Variants in ZNF107 observed in about 807,000 individuals in gnomAD.
ZNF107 encodes the protein C2H2 type zinc-finger protein.
Under a neutral mutation model 12.3 loss-of-function variants are expected in ZNF107, and 19 were observed. That is an observed-to-expected ratio of 1.55 (90% CI 1.08 to 2.27). The LOEUF is 2.27. Ranked by LOEUF, ZNF107 falls within the 30% of genes most tolerant of loss-of-function variation. The pLI is 0.00. For synonymous variants in ZNF107, 317 were observed against 330.5 expected (o/e 0.96, Z 0.44); for missense variants, 958 against 979.9 (o/e 0.98, Z 0.30).
In ZNF107 at chr7:64,666,162, C is replaced by T. The variant is rs866231673; in HGVS notation, c.-121C>T. On this transcript the variant is annotated 5_prime_UTR_variant, in exon 1 of 4. Coordinates refer to ENST00000620827, the MANE Select transcript of ZNF107 (RefSeq NM_001282359.2). ...TTGTCTCTGGCTGCAGCCGGAGCTC[C>T]TGCTCTCCTCCTCACTGCTCAGTGT... 2.1e-5 allele frequency: 29 copies of T among 1,390,312 alleles called. No individual in the cohort carries two copies. The Middle Eastern group carries it at 2.2e-3, about 105-fold the overall frequency. The allele number at this position is 1,390,312 out of a possible 1,614,324, so 86.1% of individuals were successfully genotyped here.
intron 1 of ZNF107, chr7:64,684,786 C>T: frequency 2.1e-6 from 2 of 935,608 alleles, no homozygotes; most frequent in Non-Finnish European, 2.5e-6. Flanking sequence ...CTCTGTTTAC[C>T]TTCCTACTCA....
intron 1 of ZNF107, among the ~76,000 whole-genome samples, chr7:64,680,422 C>T (rs141820472): frequency 1.6e-3 from 239 of 152,280 alleles, no homozygotes; most frequent in Admixed American, 3.7e-3. Context: ...ATGCAGGTGA[C>T]CACTGGCGCC....
intron 1 of ZNF107, among the ~76,000 whole-genome samples, chr7:64,671,343 A>T (rs1225508585): frequency 1.3e-5 from 2 of 152,196 alleles, no homozygotes; most frequent in Non-Finnish European, 2.9e-5. Flanking sequence ...TCCCAGGACT[A>T]GGCACCGCCC....
chr7:64,707,835 C>T lies in ZNF107; in HGVS notation c.1738C>T (p.Leu580Phe). ...CGKAFNQSYQ[L>F]TRHKIVHTKE... ...AAAAGCCTTTAATCAATCCTATCAACTTACTAGACATAAGATAGTTCATAC... is the reference window on the plus strand; with the variant it reads ...AAAAGCCTTTAATCAATCCTATCAATTTACTAGACATAAGATAGTTCATAC... The change falls in exon 4 of 4, where the codon CTT becomes TTT. Residue 580 changes from leucine (L) to phenylalanine (F), a missense_variant. Coordinates refer to ENST00000620827, the MANE Select transcript of ZNF107 (RefSeq NM_001282359.2). 1 of 1,612,574 alleles carries T rather than the reference C, an allele frequency of 6.2e-7. No individual in the cohort carries two copies. The highest frequency in any genetic ancestry group is 8.5e-7 in the Non-Finnish European group (1 of 1,179,478).
intron 1 of ZNF107, among the ~76,000 whole-genome samples, chr7:64,679,786 C>T (rs1370384835): frequency 6.6e-6 from 1 of 152,174 alleles, no homozygotes; most frequent in East Asian, 1.9e-4. Flanking sequence ...ATGGCACTTT[C>T]AATTTCTCTA....
In ZNF107 at chr7:64,691,959, A is replaced by G; in HGVS notation, c.225A>G (p.Pro75=). ...IKRHEMVAKP[P]VMSFHFAQDL... is the part of the protein sequence containing the mutation. ...GACATGAGATGGTAGCCAAACCCCC[A>G]GGTAGGTGAGAGTGAAAGTGAATAC... Residue 75 remains proline, a splice_region_variant and synonymous_variant, in exon 3 of 4, where the codon CCA becomes CCG. Transcript: ENST00000620827. 1 of 1,511,382 alleles carries G rather than the reference A, an allele frequency of 6.6e-7. No individual in the cohort carries two copies. Among genetic ancestry groups the G allele is most frequent in the Non-Finnish European group, 8.8e-7 (1 of 1,130,582 alleles). 93.6% of individuals were successfully genotyped at this position (1,511,382 alleles called of 1,614,324 possible).
chr7:64,667,564 C>G (rs187454265), intron 1 of ZNF107, among the ~76,000 whole-genome samples: 79 of 152,258 alleles, frequency 5.2e-4, no homozygotes, highest in Middle Eastern at 6.8e-3. Flanking sequence ...TCTCCTGGTC[C>G]TGGGTTTCAG....
chr7:64,691,189 A>T (rs563103977), intron 1 of ZNF107, 59 bp from the exon 2 acceptor site: 3 of 1,331,880 alleles, frequency 2.3e-6, no homozygotes, highest in East Asian at 3.2e-5. Context: ...ACATTTTTTT[A>T]AAAATTCAAT....
chr7:64,681,317 G>A (rs1021277642), intron 1 of ZNF107, among the ~76,000 whole-genome samples: 1 of 151,918 alleles, frequency 6.6e-6, no homozygotes, highest in African/African-American at 2.4e-5. Context: ...TGACTGTTGT[G>A]GGAATTGACG....
At chr7:64,706,078 A>ATG (rs1450322218) in intron 3 of ZNF107, among the ~76,000 whole-genome samples, 1 of 150,878 alleles carries the variant, frequency 6.6e-6, no homozygotes, top group African/African-American at 2.4e-5. Flanking sequence ...TCTTTCTTCT[A>ATG]TGTGGCTCTT....
chr7:64,694,474 C>G lies in ZNF107; in HGVS notation c.226+2514C>G, dbSNP rs557931784. On this transcript the variant is annotated intron_variant, in intron 3 of 3. Transcript: ENST00000620827. ...CTGGAACTCGGAGCTCTCTTAAAGG[C>G]ACTTATTTTTTATTTATTTTCTTTT... 9.2e-4 allele frequency among the ~76,000 whole-genome samples: 140 copies of G among 152,082 alleles called. 1 individual carries two copies. Among genetic ancestry groups the G allele is most frequent in the African/African-American group, 3.2e-3 (132 of 41,498 alleles).
At chr7:64,666,421 C>T (rs1054177731) in intron 1 of ZNF107, 136 bp downstream of exon 1, 10 of 1,215,592 alleles carry the variant, frequency 8.2e-6, no homozygotes, top group African/African-American at 6.1e-5. Flanking sequence ...CCCTCAGTCC[C>T]CCGCGGCCCC....
In ZNF107 at chr7:64,673,168, C is replaced by T. The variant is rs1490270888; in HGVS notation, c.3+6883C>T. 2.0e-5 allele frequency among the ~76,000 whole-genome samples: 3 copies of T among 152,016 alleles called. No individual in the cohort carries two copies. The East Asian group carries it at 5.8e-4, about 29-fold the overall frequency. ...AAGCGATTCTTCTGCCTCAGCCTCC[C>T]GAGTAGCTGGGATTACAGGTGCCTG... On this transcript the variant is annotated intron_variant, in intron 1 of 3. Transcript: ENST00000620827.
intron 1 of ZNF107, chr7:64,687,326 A>G: frequency 1.0e-6 from 1 of 985,496 alleles, no homozygotes; most frequent in Non-Finnish European, 1.2e-6. Flanking sequence ...TGAGGCTTAA[A>G]CACTGCACCC....
At chr7:64,701,243 C>A (rs780566649) in intron 3 of ZNF107, among the ~76,000 whole-genome samples, 4 of 152,056 alleles carry the variant, frequency 2.6e-5, no homozygotes, top group Non-Finnish European at 5.9e-5. Context: ...TTTCCCCATT[C>A]TGATATTTTC....
At position 64,707,136 on chromosome 7, in the gene ZNF107, G is replaced by A. The variant is rs1584492871; in HGVS notation, c.1039G>A (p.Gly347Ser). ...GEKPYKCKEC[G>S]RAFNISSNLN... ...GAAACCCTACAAATGTAAAGAATGT[G>A]GCAGAGCTTTTAACATATCCTCAAA... Residue 347 changes from glycine to serine, a missense_variant, in exon 4 of 4, where the codon GGC becomes AGC. Physicochemically the swap from Gly to Ser is moderately conservative, Grantham distance 56. Coordinates refer to ENST00000620827, the MANE Select transcript of ZNF107 (RefSeq NM_001282359.2). 1 of 1,613,570 alleles carries A rather than the reference G, an allele frequency of 6.2e-7. No homozygotes were observed. Among genetic ancestry groups the A allele is most frequent in the African/African-American group, 1.3e-5 (1 of 74,992 alleles).
At position 64,666,296 on chromosome 7, in the gene ZNF107, T is replaced by C. The variant is rs1208284406; in HGVS notation, c.3+11T>C. On this transcript the variant is annotated intron_variant, in intron 1 of 3. Coordinates refer to ENST00000620827, the MANE Select transcript of ZNF107 (RefSeq NM_001282359.2). ...GGAAACCTAGAAATGGTGAGAGTGC[T>C]GGGTCCGACATCCCGAGAGAGGGGG... 6.2e-7 allele frequency: 1 copy of C among 1,609,612 alleles called. No homozygotes were observed. The highest frequency in any genetic ancestry group is 8.5e-7 in the Non-Finnish European group (1 of 1,177,392).
In ZNF107 at chr7:64,708,600, C is replaced by A; in HGVS notation, c.2503C>A (p.His835Asn). The change falls in exon 4 of 4, where the codon CAT (histidine) becomes AAT (asparagine). Residue 835 changes from histidine to asparagine, a missense_variant. By Grantham distance (68) the His-to-Asn change is moderately conservative (BLOSUM62 1). Transcript: ENST00000620827. ...AFNLSSNLTT[H>N]KKIHTGEKPY... The stretch of plus-strand genomic sequence containing the variant: ...CAACCTATCCTCAAATCTTACTACA[C>A]ATAAGAAAATTCATACTGGAGAGAA... 1 of 1,610,936 alleles carries A rather than the reference C, an allele frequency of 6.2e-7. No individual in the cohort carries two copies. The highest frequency in any genetic ancestry group is 8.5e-7 in the Non-Finnish European group (1 of 1,178,798).
At chr7:64,704,476 C>G (rs1362354275) in intron 3 of ZNF107, among the ~76,000 whole-genome samples, 2 of 151,992 alleles carry the variant, frequency 1.3e-5, no homozygotes, top group African/African-American at 4.8e-5. Flanking sequence ...AATCTCTTGA[C>G]CTTGTGATCT....
Sources: gnomAD v4.1 joint callset for allele counts (sites outside exome capture counted in the v4.1 genomes callset) on GRCh38, gnomAD v4.1.1 for gene constraint, MANE v1.5 for transcripts, NCBI Gene and HGNC (gene_info 2026-07-23, HGNC 2026-07-21) for gene names.